SMCHD1: variants seen among roughly 807,000 people sequenced by gnomAD.
SMCHD1 encodes structural maintenance of chromosomes flexible hinge domain containing 1.
In SMCHD1, 78 loss-of-function variants were observed where a neutral mutation model predicts 254.7. That is an observed-to-expected ratio of 0.31 (90% CI 0.26 to 0.37). SMCHD1 has a LOEUF of 0.37. Among genes scored for constraint, SMCHD1 ranks in the 10% least tolerant of loss-of-function variants. SMCHD1 has a pLI of 1.00. For missense variants in SMCHD1, 1,840 were observed against 2,408.1 expected (o/e 0.76, Z 4.94); for synonymous variants, 766 against 794.9 (o/e 0.96, Z 0.61).
At chr18:2,711,783 G>T (rs960870542) in intron 17 of SMCHD1, among the ~76,000 whole-genome samples, 1 of 152,176 alleles carries the variant, frequency 6.6e-6, no homozygotes, top group African/African-American at 2.4e-5. Context: ...CGCCCGGCCT[G>T]GATGTTTGTC....
At chr18:2,697,163 A>G in intron 9 of SMCHD1, 41 bp downstream of exon 9, 1 of 1,034,680 alleles carries the variant, frequency 9.7e-7, no homozygotes, top group Non-Finnish European at 1.4e-6. Context: ...AAATTATGAG[A>G]TATTTGTTCC....
chr18:2,797,242 A>G (rs1482990441), intron 47 of SMCHD1, among the ~76,000 whole-genome samples: 2 of 152,214 alleles, frequency 1.3e-5, no homozygotes, highest in Admixed American at 1.3e-4. Context: ...CATTTTGGCC[A>G]TTTAGATCAC....
At position 2,729,285 on chromosome 18, in the gene SMCHD1, CT is replaced by C; in HGVS notation, c.2925del (p.Pro976GlnfsTer8). 1 of 1,494,910 alleles carries C rather than the reference CT, an allele frequency of 6.7e-7. No homozygotes were observed. The highest frequency in any genetic ancestry group is 2.6e-5 in the Admixed American group (1 of 37,938). The allele number at this position is 1,494,910 out of a possible 1,614,324, so 92.6% of individuals were successfully genotyped here. On this transcript the variant is annotated frameshift_variant, in exon 24 of 48. Coordinates refer to ENST00000320876, the MANE Select transcript of SMCHD1 (RefSeq NM_015295.3). LOFTEE classifies it high-confidence loss of function. ...KLIVHCKFSG[A>X]PNLPVYVVDC... Reference sequence around the variant, plus strand: ...TCATCTTTCAAATAGTTTTCAGGTGCTCCAAACCTTCCAGTCTATGTTGTAG... The same window carrying C: ...TCATCTTTCAAATAGTTTTCAGGTGCCCAAACCTTCCAGTCTATGTTGTAG...
At chr18:2,685,204 A>G (rs951058318) in intron 5 of SMCHD1, among the ~76,000 whole-genome samples, 4 of 142,376 alleles carry the variant, frequency 2.8e-5, no homozygotes, top group African/African-American at 7.8e-5. Flanking sequence ...GGTTCACGCC[A>G]TTCTCCGGCC....
In SMCHD1 at chr18:2,760,132, C is replaced by T. The variant is rs142117726; in HGVS notation, c.4347-520C>T. 1.5e-3 allele frequency among the ~76,000 whole-genome samples: 228 copies of T among 152,194 alleles called. 1 individual carries two copies. Among genetic ancestry groups the T allele is most frequent in the African/African-American group, 5.4e-3 (223 of 41,518 alleles). On this transcript the variant is annotated intron_variant, in intron 34 of 47. Coordinates refer to ENST00000320876, the MANE Select transcript of SMCHD1 (RefSeq NM_015295.3). ...TATTCATATTTTCTTTGTGGTAAAG[C>T]GTGACCAAAAATAGGTTAATAAGTG...
At chr18:2,688,596 A>G in intron 6 of SMCHD1, 32 bp from the exon 7 acceptor site, 1 of 1,571,330 alleles carries the variant, frequency 6.4e-7, no homozygotes, top group Non-Finnish European at 8.7e-7. Context: ...TTTATTAGGA[A>G]TTTAAAAAGT....
Position 2,752,500 on chromosome 18 carries a change from A to G in SMCHD1, c.4294A>G (p.Ser1432Gly), listed in dbSNP as rs764323722. 7 of 1,601,310 alleles carry G rather than the reference A, an allele frequency of 4.4e-6. No individual in the cohort carries two copies. In the Admixed American group the frequency reaches 8.4e-5, roughly 19 times the overall value. The change falls in exon 34 of 48, where the codon AGT (serine) becomes GGT (glycine). Residue 1432 changes from serine to glycine, a missense_variant. Ser to Gly is a moderately conservative substitution (Grantham distance 56, BLOSUM62 0). Around this residue, in one of 9 missense-constraint regions of SMCHD1, gnomAD observed 881 missense variants for 1,009.5 expected, o/e 0.87. Coordinates refer to ENST00000320876, the MANE Select transcript of SMCHD1 (RefSeq NM_015295.3). The part of the protein sequence containing the change: ...NRPPANAETF[S>G]CNKIKDNDKE... ...CTCCCCTTTCTAGGCAGAAACATTT[A>G]GTTGTAATAAAATAAAAGATAATGA...
rs2074843528 is a variant in SMCHD1, at chr18:2,718,131, C to T, written c.2261-27C>T. 6.5e-7 allele frequency: 1 copy of T among 1,542,234 alleles called. No individual in the cohort carries two copies. On this transcript the variant is annotated intron_variant, in intron 17 of 47. Coordinates refer to ENST00000320876, the MANE Select transcript of SMCHD1 (RefSeq NM_015295.3). The surrounding 1 kb of genome is among the most constrained non-coding windows in gnomAD (Gnocchi z 4.6). ...GTTTTACGTTGAATTTCTCAAGACA[C>T]TATTGTTTCTTTTTTCTTTTATTAA...
At chr18:2,776,101 T>C (rs2076061213) in intron 42 of SMCHD1, among the ~76,000 whole-genome samples, 177 bp downstream of exon 42, 1 of 152,240 alleles carries the variant, frequency 6.6e-6, no homozygotes. Flanking sequence ...ATGCTGGCTA[T>C]GTTTTATTTG....
chr18:2,690,132 A>T (rs1341824472), intron 7 of SMCHD1, among the ~76,000 whole-genome samples: 2 of 152,228 alleles, frequency 1.3e-5, no homozygotes, highest in Admixed American at 6.5e-5. Context: ...AATACTCCCA[A>T]GTCCTAGAGA....
chr18:2,743,630 C>T, intron 28 of SMCHD1, 131 bp from the exon 29 acceptor site: 3 of 510,580 alleles, frequency 5.9e-6, no homozygotes, highest in Non-Finnish European at 9.7e-6. Flanking sequence ...TGCATGGGTG[C>T]TATTTATTTT....
At chr18:2,662,194 AAT>A (rs1157680399) in intron 1 of SMCHD1, among the ~76,000 whole-genome samples, 8 of 109,886 alleles carry the variant, frequency 7.3e-5, no homozygotes, top group African/African-American at 1.6e-4. Context: ...TAAATAAATA[AAT>A]AAATAAAGAA....
chr18:2,676,468 T>TAG (rs979532085), intron 5 of SMCHD1, among the ~76,000 whole-genome samples: 1 of 152,106 alleles, frequency 6.6e-6, no homozygotes, highest in African/African-American at 2.4e-5. Flanking sequence ...GTGTTTCAGG[T>TAG]AGAAGAAGCA....
At chr18:2,772,432 C>T (rs2076000140) in intron 41 of SMCHD1, 60 bp downstream of exon 41, 15 of 1,386,442 alleles carry the variant, frequency 1.1e-5, no homozygotes, top group South Asian at 3.4e-5. Context: ...TTGTTTAAAA[C>T]GGGTCTTCTA....
rs138205924 is a variant in SMCHD1, at chr18:2,802,695, G to A, written c.*143G>A. The A allele has an allele frequency of 3.4e-4, 211 of 621,394 alleles. 1 individual carries two copies. In the East Asian group the frequency reaches 6.0e-3, roughly 18 times the overall value. 38.5% of individuals were successfully genotyped at this position (621,394 alleles called of 1,614,324 possible). A position where few individuals can be genotyped will look rare whatever the true frequency, so the allele number is the denominator to read the frequency against. ...GTACCTGGGCATGAATTTCCATTTC[G>A]ATTCAGATGGGACTGGAAACAACCA... is the stretch of plus-strand genomic sequence containing the variant. On this transcript the variant is annotated 3_prime_UTR_variant, in exon 48 of 48. Transcript: ENST00000320876.
At chr18:2,671,549 T>C (rs1024716754) in intron 3 of SMCHD1, among the ~76,000 whole-genome samples, 3 of 138,546 alleles carry the variant, frequency 2.2e-5, no homozygotes, top group African/African-American at 6.6e-5. Context: ...CTGGTTCTTT[T>C]TGACTCTGGT....
At chr18:2,699,935 C>A (rs2074365397) in intron 10 of SMCHD1, among the ~76,000 whole-genome samples, 1 of 152,182 alleles carries the variant, frequency 6.6e-6, no homozygotes, top group African/African-American at 2.4e-5. Context: ...TATCTGGATA[C>A]ACGAGAGTGT....
intron 5 of SMCHD1, among the ~76,000 whole-genome samples, chr18:2,680,322 C>CTTG (rs34307297): frequency 0.99 from 150,088 of 152,212 alleles, 74,032 homozygotes; most frequent in East Asian, 1. Flanking sequence ...TTCCCCAAGA[C>CTTG]TTGTTGCATC....
At chr18:2,685,777 G>A (rs1046837708) in intron 5 of SMCHD1, among the ~76,000 whole-genome samples, 7 of 152,172 alleles carry the variant, frequency 4.6e-5, no homozygotes, top group African/African-American at 1.7e-4. Flanking sequence ...GATCATCCAT[G>A]TTGTAGCATG....
Sources: allele counts gnomAD v4.1 joint callset (sites outside exome capture counted in the v4.1 genomes callset), GRCh38; gene constraint gnomAD v4.1.1; regional missense constraint gnomAD v4.1.1; non-coding constraint Gnocchi (gnomAD v3.1); transcripts MANE v1.5; gene names NCBI Gene and HGNC (gene_info 2026-07-23, HGNC 2026-07-21).